The following NKAPD1 variants were observed in gnomAD, a reference collection of about 807,000 sequenced individuals.
The protein encoded by NKAPD1 is uncharacterized protein NKAPD1.
NKAPD1 carries 12 observed loss-of-function variants against 30.9 expected under a neutral mutation model. The ratio of observed to expected loss-of-function variants is 0.39; its 90% confidence interval spans 0.25 to 0.63. NKAPD1 has a LOEUF of 0.63. NKAPD1 is among the 20% of genes least tolerant of loss of function. NKAPD1 has a pLI of 0.51. For synonymous variants in NKAPD1, 91 were observed against 113.6 expected (o/e 0.80, Z 1.26); for missense variants, 311 against 344.5 (o/e 0.90, Z 0.77).
intron 3 of NKAPD1, among the ~76,000 whole-genome samples, chr11:112,078,724 CT>C (rs1464605285): frequency 6.6e-6 from 1 of 151,446 alleles, no homozygotes; most frequent in African/African-American, 2.4e-5. Context: ...TGCCTAGCTA[CT>C]TTTTTTTTGT....
rs1013580851 is a variant in NKAPD1, at chr11:112,080,257, T to C, written c.171-152T>C. 3.9e-6 allele frequency: 3 copies of C among 775,936 alleles called. No individual in the cohort carries two copies. The African/African-American group carries it at 5.3e-5, about 14-fold the overall frequency. 48.1% of individuals were successfully genotyped at this position (775,936 alleles called of 1,614,324 possible). A position where few individuals can be genotyped will look rare whatever the true frequency, so the allele number is the denominator to read the frequency against. On this transcript the variant is annotated intron_variant, in intron 3 of 5. Transcript: ENST00000393047. ...TCACAAATGTATAGAGAGGAGCAGA[T>C]AATGTCTTTGCCTTTTTTTTTTTTT...
chr11:112,082,901 A>T lies in NKAPD1; in HGVS notation c.811A>T (p.Arg271Trp). 1 of 1,610,424 alleles carries T rather than the reference A, an allele frequency of 6.2e-7. No homozygotes were observed. The highest frequency in any genetic ancestry group is 8.5e-7 in the Non-Finnish European group (1 of 1,179,206). Reference sequence around the variant, plus strand: ...TGTAGCCAACAATGAAATACAGGAGAGGACAAACAAACGCACAAATTGGAA... The same window carrying T: ...TGTAGCCAACAATGAAATACAGGAGTGGACAAACAAACGCACAAATTGGAA... The part of the protein sequence containing the change: ...TSVANNEIQE[R>W]TNKRTNWKVA... The change falls in exon 6 of 6, where the codon AGG (arginine) becomes TGG (tryptophan). Residue 271 changes from arginine (R) to tryptophan (W), a missense_variant. Transcript: ENST00000393047.
chr11:112,079,805 T>A (rs1865406176), intron 3 of NKAPD1, among the ~76,000 whole-genome samples: 1 of 151,844 alleles, frequency 6.6e-6, no homozygotes, highest in Non-Finnish European at 1.5e-5. Context: ...CAGATTTTTT[T>A]CTTTTTTTCT....
At chr11:112,077,763 A>AT (rs1865359279) in intron 2 of NKAPD1, among the ~76,000 whole-genome samples, 1 of 151,586 alleles carries the variant, frequency 6.6e-6, no homozygotes, top group Admixed American at 6.6e-5. Context: ...AGAGAAACCA[A>AT]TTTGTTTTCC....
At position 112,084,578 on chromosome 11, in the gene NKAPD1, C is replaced by A. The variant is rs1458495964; in HGVS notation, c.*1606C>A. The A allele has an allele frequency of 2.0e-5, 3 of 152,474 alleles. No individual in the cohort carries two copies. The highest frequency in any genetic ancestry group is 7.3e-5 in the African/African-American group (3 of 41,358). The allele number at this position is 152,474 out of a possible 1,614,324, so 9.4% of individuals were successfully genotyped here. A position where few individuals can be genotyped will look rare whatever the true frequency, so the allele number is the denominator to read the frequency against. Reference sequence around the variant, plus strand: ...TTAACCTAAAGCAATTATTTTGTTCCTGGAGCAAGTTAAATCTTTGTTGGA... The same window carrying A: ...TTAACCTAAAGCAATTATTTTGTTCATGGAGCAAGTTAAATCTTTGTTGGA... On this transcript the variant is annotated 3_prime_UTR_variant, in exon 6 of 6. Transcript: ENST00000393047.
At chr11:112,078,533 A>T (rs908969466) in intron 3 of NKAPD1, among the ~76,000 whole-genome samples, 1 of 152,158 alleles carries the variant, frequency 6.6e-6, no homozygotes, top group Non-Finnish European at 1.5e-5. Context: ...AAAAAATTCT[A>T]CCTGAACAAT....
chr11:112,079,952 A>G lies in NKAPD1; in HGVS notation c.171-457A>G, dbSNP rs376913781. Among the ~76,000 whole-genome samples the G allele has an allele frequency of 2.1e-4, 32 of 152,138 alleles. No homozygotes were observed. The South Asian group carries it at 6.6e-3, about 32-fold the overall frequency. On this transcript the variant is annotated intron_variant, in intron 3 of 5. Transcript: ENST00000393047. ...CTCAGCCTTCCAAGTAGCTGGGACT[A>G]TAGGCGTGTGCCACCACACCTAACT...
chr11:112,082,904 A>G lies in NKAPD1; in HGVS notation c.814A>G (p.Thr272Ala), dbSNP rs1165867786. 1 of 1,610,056 alleles carries G rather than the reference A, an allele frequency of 6.2e-7. No individual in the cohort carries two copies. The highest frequency in any genetic ancestry group is 8.5e-7 in the Non-Finnish European group (1 of 1,179,094). The part of the protein sequence containing the change: ...SVANNEIQER[T>A]NKRTNWKVAT... ...AGCCAACAATGAAATACAGGAGAGGACAAACAAACGCACAAATTGGAAAGT... is the reference window on the plus strand; with the variant it reads ...AGCCAACAATGAAATACAGGAGAGGGCAAACAAACGCACAAATTGGAAAGT... Residue 272 changes from threonine to alanine, a missense_variant, in exon 6 of 6, where the codon ACA becomes GCA. By Grantham distance (58) the Thr-to-Ala change is moderately conservative (BLOSUM62 0). Coordinates refer to ENST00000393047, the MANE Select transcript of NKAPD1 (RefSeq NM_018195.4).
intron 4 of NKAPD1, 83 bp downstream of exon 4, chr11:112,080,641 G>C: frequency 6.8e-7 from 1 of 1,481,226 alleles, no homozygotes; most frequent in Non-Finnish European, 9.1e-7. Flanking sequence ...CAAAAAACTT[G>C]TGTACAAAAG....
chr11:112,082,543 CAAG>C lies in NKAPD1; in HGVS notation c.457_459del (p.Lys153del). 3 of 1,610,468 alleles carry C rather than the reference CAAG, an allele frequency of 1.9e-6. No homozygotes were observed. The highest frequency in any genetic ancestry group is 1.7e-6 in the Non-Finnish European group (2 of 1,179,332). On this transcript the variant is annotated inframe_deletion, in exon 6 of 6. Coordinates refer to ENST00000393047, the MANE Select transcript of NKAPD1 (RefSeq NM_018195.4). ...CATCTACCCATGAATCCCGCAAACA[CAAG>C]AAGTCAAAGAAATCCCACAAAAAAA... is the stretch of plus-strand genomic sequence containing the variant.
chr11:112,075,519 A>G, intron 1 of NKAPD1, 48 bp from the exon 2 acceptor site: 2 of 1,402,460 alleles, frequency 1.4e-6, no homozygotes, highest in East Asian at 2.4e-5. Context: ...GAAAAGATAA[A>G]GTAATAACAG....
chr11:112,077,838 CT>C (rs779925830), intron 2 of NKAPD1, among the ~76,000 whole-genome samples: 313 of 139,542 alleles, frequency 2.2e-3, no homozygotes, highest in African/African-American at 5.5e-3. Flanking sequence ...CAGTTAGTTG[CT>C]TTTTTTTTTT....
At position 112,082,729 on chromosome 11, in the gene NKAPD1, G is replaced by C; in HGVS notation, c.639G>C (p.Lys213Asn). The C allele has an allele frequency of 1.2e-6, 2 of 1,613,884 alleles. No individual in the cohort carries two copies. Among genetic ancestry groups the C allele is most frequent in the Non-Finnish European group, 8.5e-7 (1 of 1,179,996 alleles). The change falls in exon 6 of 6, where the codon AAG (lysine) becomes AAC (asparagine). Residue 213 changes from lysine to asparagine, a missense_variant. By Grantham distance (94) the Lys-to-Asn change is moderately conservative. Transcript: ENST00000393047. ...AACGCAAGAAAAAATCCAGGAAAAAGTCTCTCAAAAAACCTGCTTTATTCT... is the reference window on the plus strand; with the variant it reads ...AACGCAAGAAAAAATCCAGGAAAAACTCTCTCAAAAAACCTGCTTTATTCT... ...PHKRKKKSRK[K>N]SLKKPALFLE...
At chr11:112,078,337 C>T (rs775926735) in intron 3 of NKAPD1, 22 bp downstream of exon 3, 1 of 1,514,116 alleles carries the variant, frequency 6.6e-7, no homozygotes, top group Admixed American at 1.7e-5. Context: ...GCTCTGAGAA[C>T]TAAAATAATT....
intron 2 of NKAPD1, among the ~76,000 whole-genome samples, chr11:112,077,902 G>A (rs1264633494): frequency 1.3e-5 from 2 of 151,482 alleles, no homozygotes; most frequent in Non-Finnish European, 2.9e-5. Context: ...CTGGAGTGCA[G>A]TGGTGCAATC....
intron 2 of NKAPD1, among the ~76,000 whole-genome samples, chr11:112,077,019 TTGA>T (rs757619067): frequency 1.3e-5 from 2 of 152,324 alleles, no homozygotes; most frequent in East Asian, 1.9e-4. Context: ...GATGTATAGG[TTGA>T]TGATAAGAGG....
chr11:112,082,391 C>A, intron 5 of NKAPD1, 74 bp from the exon 6 acceptor site: 1 of 1,276,166 alleles, frequency 7.8e-7, no homozygotes, highest in South Asian at 1.9e-5. Context: ...ATTTTTTAAT[C>A]TAGAATGCAA....
intron 4 of NKAPD1, 147 bp from the exon 5 acceptor site, chr11:112,081,835 G>A: frequency 3.0e-6 from 2 of 656,364 alleles, no homozygotes; most frequent in Admixed American, 2.6e-5. Context: ...AGCTGTTACT[G>A]AGCTATAATG....
intron 2 of NKAPD1, among the ~76,000 whole-genome samples, chr11:112,076,701 AG>A (rs1368128119): frequency 6.6e-6 from 1 of 152,230 alleles, no homozygotes; most frequent in Non-Finnish European, 1.5e-5. Flanking sequence ...GAGGAAGAAG[AG>A]GGACTTGTTT....
Sources: gnomAD v4.1 joint callset for allele counts (sites outside exome capture counted in the v4.1 genomes callset) on GRCh38, gnomAD v4.1.1 for gene constraint, MANE v1.5 for transcripts, NCBI Gene and HGNC (gene_info 2026-07-23, HGNC 2026-07-21) for gene names.